PALM2AKAP2: variants seen among roughly 807,000 people sequenced by gnomAD.
PALM2AKAP2 encodes the protein PALM2 and AKAP2 fusion.
A neutral mutation model predicts 71.5 loss-of-function variants in PALM2AKAP2; 37 were observed. The observed-to-expected ratio is 0.52, with a 90% CI of 0.40 to 0.68. The LOEUF (loss-of-function observed/expected upper bound fraction) is 0.68. Ranked by LOEUF, PALM2AKAP2 falls within the 30% of genes least tolerant of loss-of-function variation. The probability of loss-of-function intolerance (pLI) is 0.00; values close to 1 mark genes in which losing one functional copy is unlikely to be tolerated. For missense variants in PALM2AKAP2, 1,224 were observed against 1,191.8 expected (o/e 1.03, Z -0.40); for synonymous variants, 468 against 478.8 (o/e 0.98, Z 0.29).
chr9:110,137,474 G>A (rs1835913242), exon 2 of PALM2AKAP2: 1 of 1,614,014 alleles, frequency 6.2e-7, no homozygotes, highest in Non-Finnish European at 8.5e-7. Flanking sequence ...AGCCTCTCAG[G>A]GGAAGGAAGG....
intron 1 of PALM2AKAP2, among the ~76,000 whole-genome samples, chr9:109,826,958 A>G (rs921795145): frequency 6.6e-6 from 1 of 152,226 alleles, no homozygotes; most frequent in Non-Finnish European, 1.5e-5. Flanking sequence ...AGATAAAAAT[A>G]TAAGTCCTTG....
intron 1 of PALM2AKAP2, among the ~76,000 whole-genome samples, chr9:110,097,016 G>A (rs1834863671): frequency 6.7e-6 from 1 of 148,156 alleles, no homozygotes; most frequent in Non-Finnish European, 1.5e-5. Context: ...ATTTGGCAGG[G>A]TCACAGGACA....
At chr9:110,165,114 C>G (rs1836702156) in intron 3 of PALM2AKAP2, among the ~76,000 whole-genome samples, 1 of 151,996 alleles carries the variant, frequency 6.6e-6, no homozygotes, top group Admixed American at 6.6e-5. Flanking sequence ...ATGTCATAGA[C>G]TAGTAGTGAG....
At chr9:109,660,966 C>T (rs10217210) in intron 1 of PALM2AKAP2, among the ~76,000 whole-genome samples, 107,959 of 152,106 alleles carry the variant, frequency 0.71, 38,904 homozygotes, top group African/African-American at 0.84. Context: ...AGATGTCTTC[C>T]TTTGAGAAGT....
At chr9:109,931,234 A>G (rs1831094217) in intron 5 of PALM2AKAP2, among the ~76,000 whole-genome samples, 1 of 152,178 alleles carries the variant, frequency 6.6e-6, no homozygotes, top group African/African-American at 2.4e-5. Flanking sequence ...AGGCTTGTCG[A>G]GGTATTTGCC....
At chr9:109,641,333 A>G (rs1422657538) in intron 1 of PALM2AKAP2, among the ~76,000 whole-genome samples, 1 of 152,208 alleles carries the variant, frequency 6.6e-6, no homozygotes, top group Admixed American at 6.5e-5. Flanking sequence ...TTAGTGGGTA[A>G]TATGAGCCAG....
chr9:109,651,402 T>G (rs1827224274), intron 1 of PALM2AKAP2, among the ~76,000 whole-genome samples: 1 of 152,202 alleles, frequency 6.6e-6, no homozygotes, highest in Admixed American at 6.5e-5. Context: ...CCTTATCACT[T>G]TGTTAGCCCC....
exon 3 of PALM2AKAP2, chr9:110,156,460 A>G: frequency 6.2e-7 from 1 of 1,611,056 alleles, no homozygotes; most frequent in African/African-American, 1.3e-5. Context: ...TATGAGACAC[A>G]CAAATCTAAA....
At chr9:109,768,365 T>C (rs895915445) in intron 1 of PALM2AKAP2, among the ~76,000 whole-genome samples, 6 of 152,184 alleles carry the variant, frequency 3.9e-5, no homozygotes, top group Admixed American at 2.6e-4. Context: ...TATTTTTTAT[T>C]CTTAAATTTT....
intron 1 of PALM2AKAP2, among the ~76,000 whole-genome samples, chr9:110,064,831 T>A (rs1349898245): frequency 6.6e-6 from 1 of 152,232 alleles, no homozygotes; most frequent in African/African-American, 2.4e-5. Flanking sequence ...AAATGATGGA[T>A]GCCTGGACTT....
chr9:109,924,998 G>A, intron 4 of PALM2AKAP2, 63 bp from the exon 5 acceptor site: 3 of 1,611,356 alleles, frequency 1.9e-6, no homozygotes, highest in Non-Finnish European at 1.7e-6. Context: ...TTTAAAGATG[G>A]GAAAAGATGG....
intron 1 of PALM2AKAP2, among the ~76,000 whole-genome samples, chr9:110,095,829 G>A (rs1834822958): frequency 6.6e-6 from 1 of 152,178 alleles, no homozygotes; most frequent in African/African-American, 2.4e-5. Context: ...AAGGAGTATT[G>A]AGTTCCTAGA....
chr9:109,857,994 AAT>A (rs1829212747), intron 1 of PALM2AKAP2, among the ~76,000 whole-genome samples: 1 of 152,232 alleles, frequency 6.6e-6, no homozygotes, highest in Non-Finnish European at 1.5e-5. Flanking sequence ...GTTTAGACAA[AAT>A]CCTAAGCCAA....
At chr9:109,686,865 C>A (rs1394340532) in intron 1 of PALM2AKAP2, among the ~76,000 whole-genome samples, 1 of 146,280 alleles carries the variant, frequency 6.8e-6, no homozygotes, top group African/African-American at 2.5e-5. Flanking sequence ...GTGTGATGTT[C>A]CCCTTCCTGT....
chr9:110,026,343 G>T (rs929514054), intron 7 of PALM2AKAP2, among the ~76,000 whole-genome samples: 4 of 152,130 alleles, frequency 2.6e-5, no homozygotes, highest in Admixed American at 1.3e-4. Flanking sequence ...GCCTCCCAAA[G>T]TGTGAGATTA....
chr9:110,046,522 G>A (rs1470157211), upstream of PALM2AKAP2, among the ~76,000 whole-genome samples: 2 of 143,162 alleles, frequency 1.4e-5, no homozygotes, highest in East Asian at 4.1e-4. Context: ...AGGCTGGAGT[G>A]CAATGGCACG....
intron 1 of PALM2AKAP2, among the ~76,000 whole-genome samples, chr9:109,856,119 T>C (rs754665039): frequency 6.6e-6 from 1 of 152,226 alleles, no homozygotes; most frequent in Non-Finnish European, 1.5e-5. Context: ...AAACTGTTTT[T>C]TGGAGAGCAA....
intron 1 of PALM2AKAP2, among the ~76,000 whole-genome samples, chr9:110,122,396 G>A (rs892444776): frequency 6.6e-5 from 10 of 152,214 alleles, no homozygotes; most frequent in Non-Finnish European, 1.5e-4. Context: ...TTCCTGAGCT[G>A]CCTGGTGCGG....
intron 1 of PALM2AKAP2, among the ~76,000 whole-genome samples, chr9:109,686,952 T>A (rs1391951642): frequency 1.3e-5 from 2 of 152,090 alleles, no homozygotes; most frequent in African/African-American, 2.4e-5. Context: ...CTTGTGATAG[T>A]TTGCTGAGAA....
Sources: allele counts gnomAD v4.1 joint callset (sites outside exome capture counted in the v4.1 genomes callset), GRCh38; gene constraint gnomAD v4.1.1; transcripts MANE v1.5; gene names NCBI Gene and HGNC (gene_info 2026-07-23, HGNC 2026-07-21).